FNBP1: variants seen among roughly 807,000 people sequenced by gnomAD.
The protein encoded by FNBP1 is formin-binding protein 1.
Under a neutral mutation model 90.6 loss-of-function variants are expected in FNBP1, and 26 were observed. The ratio of observed to expected loss-of-function variants is 0.29; its 90% CI spans 0.21 to 0.40. The LOEUF (loss-of-function observed/expected upper bound fraction) is 0.40, where lower values mean the gene tolerates loss of function less well. Among genes scored for constraint, FNBP1 ranks in the 10% least tolerant of loss-of-function variants. The pLI is 1.00. For missense variants in FNBP1, 635 were observed against 768.0 expected (o/e 0.83, Z 2.05); for synonymous variants, 260 against 265.2 (o/e 0.98, Z 0.19).
In FNBP1 at chr9:129,920,838, T is replaced by C. The variant is rs77713002; in HGVS notation, c.1170+3006A>G. Among the ~76,000 whole-genome samples, 175 of 152,300 alleles carry C rather than the reference T, an allele frequency of 1.1e-3. 2 individuals are homozygous for C. In the South Asian group the frequency reaches 0.017, roughly 14 times the overall value. On this transcript the variant is annotated intron_variant, in intron 10 of 16. Transcript: ENST00000446176. ...ATATATAAATATAACACATGAGTGC[T>C]TGGTAAAGCGGCAGAGATGGGTTAA... is the stretch of plus-strand genomic sequence containing the variant.
chr9:129,999,109 C>A (rs2054454199), intron 1 of FNBP1, among the ~76,000 whole-genome samples: 3 of 152,062 alleles, frequency 2.0e-5, no homozygotes, highest in African/African-American at 4.8e-5. Flanking sequence ...CACTTACATT[C>A]TTGACTAAAA....
chr9:129,938,908 T>G (rs1269960726), intron 6 of FNBP1, among the ~76,000 whole-genome samples: 1 of 152,108 alleles, frequency 6.6e-6, no homozygotes, highest in East Asian at 1.9e-4. Flanking sequence ...TGGCCCCCCT[T>G]TCCCCCCTGG....
intron 1 of FNBP1, among the ~76,000 whole-genome samples, chr9:130,009,758 T>C (rs1039330473): frequency 7.9e-5 from 12 of 152,210 alleles, no homozygotes; most frequent in African/African-American, 2.9e-4. Flanking sequence ...GCCGAGATCG[T>C]GCCACTGCAC....
intron 1 of FNBP1, among the ~76,000 whole-genome samples, chr9:129,998,538 C>T (rs1430229716): frequency 6.6e-6 from 1 of 151,868 alleles, no homozygotes; most frequent in African/African-American, 2.4e-5. Context: ...CAAAAAAGCC[C>T]TCTCCCTGTA....
At chr9:129,976,771 T>C (rs1220651849) in intron 4 of FNBP1, among the ~76,000 whole-genome samples, 1 of 152,196 alleles carries the variant, frequency 6.6e-6, no homozygotes, top group Non-Finnish European at 1.5e-5. Context: ...ACTACCATAA[T>C]TGCAATTAAA....
chr9:129,910,412 G>T (rs1458424370), intron 11 of FNBP1, among the ~76,000 whole-genome samples: 2 of 147,804 alleles, frequency 1.4e-5, no homozygotes, highest in African/African-American at 5.0e-5. Context: ...AACCCGGGAA[G>T]CGGAGGTTGT....
At chr9:130,014,297 G>A (rs1443384223) in intron 1 of FNBP1, among the ~76,000 whole-genome samples, 2 of 150,578 alleles carry the variant, frequency 1.3e-5, no homozygotes, top group Non-Finnish European at 3.0e-5. Flanking sequence ...TGCCGCCCAG[G>A]CTGGAGTGCA....
intron 10 of FNBP1, among the ~76,000 whole-genome samples, chr9:129,916,428 A>AC (rs1291978299): frequency 1.3e-5 from 2 of 151,984 alleles, no homozygotes; most frequent in African/African-American, 4.8e-5. Context: ...GACCAGCCTG[A>AC]CCAACACGGA....
intron 15 of FNBP1, among the ~76,000 whole-genome samples, chr9:129,897,306 A>C (rs1039178442): frequency 1.3e-5 from 2 of 151,592 alleles, no homozygotes; most frequent in African/African-American, 4.9e-5. Context: ...GCTGCCCACC[A>C]CCCCCCAGTT....
intron 6 of FNBP1, among the ~76,000 whole-genome samples, chr9:129,930,835 C>CA (rs1442681687): frequency 2.0e-5 from 3 of 152,096 alleles, no homozygotes; most frequent in Non-Finnish European, 4.4e-5. Flanking sequence ...CCACACAAGG[C>CA]AAAAAACTAC....
At chr9:130,033,971 G>A (rs562343869) in intron 1 of FNBP1, among the ~76,000 whole-genome samples, 1 of 148,462 alleles carries the variant, frequency 6.7e-6, no homozygotes, top group African/African-American at 2.5e-5. Context: ...AGCAGAGATT[G>A]CGCCACCGCA....
chr9:129,907,580 GGTGTGTGTGTGTGTGTGTGTGTGT>G (rs55973122), intron 12 of FNBP1, among the ~76,000 whole-genome samples: 24 of 147,204 alleles, frequency 1.6e-4, no homozygotes, highest in Non-Finnish European at 2.7e-4. Flanking sequence ...TAGGAGTGAG[GGTGTGTGTGTGTGTGTGTGTGTGT>G]GTGTGTGTGT....
chr9:129,941,538 C>T lies in FNBP1; in HGVS notation c.514-11843G>A, dbSNP rs1283851078. Reference sequence around the variant, plus strand: ...TGGAGTGCAGTGGTATGATCACAGCCCGCTGCAGCCTCAACTTCCCAGGCT... The same window carrying T: ...TGGAGTGCAGTGGTATGATCACAGCTCGCTGCAGCCTCAACTTCCCAGGCT... On this transcript the variant is annotated intron_variant, in intron 6 of 16. Coordinates refer to ENST00000446176, the MANE Select transcript of FNBP1 (RefSeq NM_015033.3). Among the ~76,000 whole-genome samples, 2 of 152,060 alleles carry T rather than the reference C, an allele frequency of 1.3e-5. 1 individual carries two copies. The highest frequency in any genetic ancestry group is 3.9e-4 in the East Asian group (2 of 5,180).
intron 10 of FNBP1, chr9:129,919,132 T>C: frequency 2.2e-5 from 25 of 1,114,972 alleles, no homozygotes; most frequent in Non-Finnish European, 3.0e-5. Context: ...CATGACTGTA[T>C]GACCTGGCCA....
chr9:130,017,043 T>C (rs2057308343), intron 1 of FNBP1, among the ~76,000 whole-genome samples: 1 of 152,078 alleles, frequency 6.6e-6, no homozygotes, highest in South Asian at 2.1e-4. Context: ...CACAGGAGAT[T>C]GAGACCAGCC....
Position 129,957,367 on chromosome 9 carries a change from A to G in FNBP1, c.506T>C (p.Val169Ala), listed in dbSNP as rs2047113753. 6.2e-7 allele frequency: 1 copy of G among 1,610,738 alleles called. No individual in the cohort carries two copies. Among genetic ancestry groups the G allele is most frequent in the Non-Finnish European group, 8.5e-7 (1 of 1,177,914 alleles). ...CTTGAGCTTTCACCTCACCTTTTCA[A>G]CATCCGCTTTTGTGACATTGATGTC... is the stretch of plus-strand genomic sequence containing the variant. ...DADINVTKAD[V>A]EKARQQAQIR... Residue 169 changes from valine to alanine, a missense_variant, in exon 6 of 17, where the codon GTT becomes GCT. By Grantham distance (64) the Val-to-Ala change is moderately conservative (BLOSUM62 0). Transcript: ENST00000446176. The surrounding 1 kb of genome is among the most constrained non-coding windows in gnomAD (Gnocchi z 4.3).
chr9:130,006,072 G>C (rs2055652203), intron 1 of FNBP1, among the ~76,000 whole-genome samples: 1 of 152,166 alleles, frequency 6.6e-6, no homozygotes. Flanking sequence ...ATTTTAATTA[G>C]AAAGGAAAAG....
At chr9:130,018,018 C>A (rs806860) in intron 1 of FNBP1, among the ~76,000 whole-genome samples, 142,076 of 145,978 alleles carry the variant, frequency 0.97, 69,276 homozygotes, top group East Asian at 1. Flanking sequence ...GGTTCATGCC[C>A]TTCTCCTGCC....
chr9:129,959,241 G>A (rs948781294), intron 4 of FNBP1, among the ~76,000 whole-genome samples: 3 of 151,856 alleles, frequency 2.0e-5, no homozygotes, highest in Non-Finnish European at 2.9e-5. Context: ...AGGCCGCAGT[G>A]AGCCGTGATC....
Sources: allele counts gnomAD v4.1 joint callset (sites outside exome capture counted in the v4.1 genomes callset), GRCh38; gene constraint gnomAD v4.1.1; non-coding constraint Gnocchi (gnomAD v3.1); transcripts MANE v1.5; gene names NCBI Gene and HGNC (gene_info 2026-07-23, HGNC 2026-07-21).